Variants in COG6 observed in about 807,000 individuals in gnomAD.
COG6 encodes the protein conserved oligomeric Golgi complex subunit 6.
COG6 carries 74 observed loss-of-function variants against 88.8 expected under a neutral mutation model. The ratio of observed to expected loss-of-function variants is 0.83; its 90% confidence interval spans 0.69 to 1.01. The LOEUF (loss-of-function observed/expected upper bound fraction) is 1.01. COG6 is among the 50% of genes least tolerant of loss of function. The probability of loss-of-function intolerance (pLI) is 0.00; values close to 1 mark genes in which losing one functional copy is unlikely to be tolerated. For synonymous variants in COG6, 286 were observed against 278.7 expected, an observed-to-expected ratio of 1.03 and a Z score of -0.26; for missense variants, 800 against 797.9, an observed-to-expected ratio of 1.00 and a Z score of -0.03.
In COG6 at chr13:39,724,496, TTTTTTA is replaced by T. The variant is rs752497489; in HGVS notation, c.1693-11_1693-6del. 14 of 1,541,960 alleles carry T rather than the reference TTTTTTA, an allele frequency of 9.1e-6. No individual in the cohort carries two copies. Among genetic ancestry groups the T allele is most frequent in the Admixed American group, 1.9e-5 (1 of 52,004 alleles). On this transcript the variant is annotated splice_region_variant and splice_polypyrimidine_tract_variant and intron_variant, in intron 16 of 18. Coordinates refer to ENST00000455146, the MANE Select transcript of COG6 (RefSeq NM_020751.3). ...ATCTTGGATCTGCTTTTTTTTTTTT[TTTTTTA>T]AATAGGGCTCTTTAGCTAATATGCC...
chr13:39,761,435 A>G (rs1295814366), intron 18 of COG6, among the ~76,000 whole-genome samples: 1 of 152,074 alleles, frequency 6.6e-6, no homozygotes, highest in Non-Finnish European at 1.5e-5. Context: ...AACTACTAGA[A>G]GAAAACATAT....
chr13:39,763,781 T>A (rs1881090119), intron 18 of COG6, among the ~76,000 whole-genome samples: 1 of 151,824 alleles, frequency 6.6e-6, no homozygotes, highest in African/African-American at 2.4e-5. Flanking sequence ...CATAATGTAC[T>A]ATCCTTTTTA....
chr13:39,750,857 T>C (rs1880583041), intron 18 of COG6, 89 bp from the exon 19 acceptor site: 1 of 925,464 alleles, frequency 1.1e-6, no homozygotes, highest in African/African-American at 1.6e-5. Flanking sequence ...AAATGAAATG[T>C]GTTGATTGAA....
intron 18 of COG6, among the ~76,000 whole-genome samples, chr13:39,776,680 G>A (rs1881473535): frequency 1.3e-5 from 2 of 152,194 alleles, no homozygotes; most frequent in African/African-American, 4.8e-5. Context: ...CCAGTACCCT[G>A]ATGTCTACTG....
chr13:39,753,089 T>C (rs534976416), downstream of COG6, among the ~76,000 whole-genome samples: 78 of 152,360 alleles, frequency 5.1e-4, no homozygotes, highest in African/African-American at 1.9e-3. Context: ...AAATGGGCAC[T>C]GCTGTAGTTG....
intron 18 of COG6, among the ~76,000 whole-genome samples, chr13:39,731,165 T>C (rs1879427085): frequency 6.6e-6 from 1 of 152,142 alleles, no homozygotes. Flanking sequence ...GTTTTTGGTT[T>C]TTTCCTGTTC....
In COG6 at chr13:39,697,389, G is replaced by A. The variant is rs540045121; in HGVS notation, c.1167-2112G>A. ...GGTGAAGTTGGGGAAGAAGCAGGAC[G>A]CATGCAAGATCTCAAAAAATTTACC... On this transcript the variant is annotated intron_variant, in intron 12 of 18. Transcript: ENST00000455146. Among the ~76,000 whole-genome samples, 4 of 151,926 alleles carry A rather than the reference G, an allele frequency of 2.6e-5. No individual in the cohort carries two copies. The South Asian group carries it at 6.2e-4, about 24-fold the overall frequency.
At chr13:39,678,223 A>C in intron 5 of COG6, 1 of 315,656 alleles carries the variant, frequency 3.2e-6, no homozygotes, top group Non-Finnish European at 6.1e-6. Flanking sequence ...ATGCACCACC[A>C]CTCCTGGCTG....
At chr13:39,776,249 A>G (rs1238945433) in intron 18 of COG6, among the ~76,000 whole-genome samples, 1 of 152,190 alleles carries the variant, frequency 6.6e-6, no homozygotes, top group Non-Finnish European at 1.5e-5. Context: ...GAGGAGGAGT[A>G]GGCAGAAGGG....
At chr13:39,718,685 A>G (rs1878671023) in intron 13 of COG6, among the ~76,000 whole-genome samples, 1 of 152,132 alleles carries the variant, frequency 6.6e-6, no homozygotes, top group Non-Finnish European at 1.5e-5. Context: ...CAATATATTA[A>G]TGGTAATGTT....
chr13:39,745,611 G>T (rs763116387), intron 18 of COG6, among the ~76,000 whole-genome samples: 8 of 152,208 alleles, frequency 5.3e-5, no homozygotes, highest in Non-Finnish European at 1.2e-4. Context: ...AGGATGTGGA[G>T]AAATAGGAAT....
chr13:39,721,906 T>C (rs1029327526), intron 15 of COG6, among the ~76,000 whole-genome samples: 7 of 152,074 alleles, frequency 4.6e-5, no homozygotes, highest in Admixed American at 3.3e-4. Context: ...TCCCAGGATA[T>C]TTTTGGTATG....
rs573204693 is a variant in COG6, at chr13:39,694,422, T to C, written c.1075-212T>C. Among the ~76,000 whole-genome samples the C allele has an allele frequency of 4.6e-5, 7 of 151,882 alleles. No homozygotes were observed. The East Asian group carries it at 1.4e-3, about 29-fold the overall frequency. ...GCCTTGAACCAAATTCTGCAAATAATGGGTCAGATTTTTGTAGAGTATATC... is the reference window on the plus strand; with the variant it reads ...GCCTTGAACCAAATTCTGCAAATAACGGGTCAGATTTTTGTAGAGTATATC... On this transcript the variant is annotated intron_variant, in intron 11 of 18. Transcript: ENST00000455146.
chr13:39,727,341 C>T, intron 17 of COG6, 128 bp from the exon 18 acceptor site: 2 of 745,088 alleles, frequency 2.7e-6, no homozygotes, highest in Non-Finnish European at 4.8e-6. Context: ...AATTTGAACA[C>T]AACAATCTAG....
chr13:39,733,791 C>G (rs1566032642), intron 18 of COG6, among the ~76,000 whole-genome samples: 1 of 152,068 alleles, frequency 6.6e-6, no homozygotes. Flanking sequence ...TGCTGAGACA[C>G]TTTTTATTAT....
intron 18 of COG6, among the ~76,000 whole-genome samples, chr13:39,779,266 G>A (rs1311016987): frequency 6.6e-6 from 1 of 152,156 alleles, no homozygotes; most frequent in Non-Finnish European, 1.5e-5. Flanking sequence ...TAGCAATGAT[G>A]CTGATTACTA....
At chr13:39,790,712 T>C (rs2138198630) in exon 19 of COG6, 1 of 152,238 alleles carries the variant, frequency 6.6e-6, no homozygotes, top group African/African-American at 2.4e-5. Context: ...TAATATTGAA[T>C]CTTCCTGTTT....
chr13:39,695,411 T>C (rs1877222419), intron 12 of COG6, among the ~76,000 whole-genome samples: 1 of 151,918 alleles, frequency 6.6e-6, no homozygotes. Flanking sequence ...AAGACTGTTA[T>C]ATATGTAGTT....
At chr13:39,735,984 C>CT (rs2138112106) in intron 18 of COG6, among the ~76,000 whole-genome samples, 1 of 151,976 alleles carries the variant, frequency 6.6e-6, no homozygotes, top group East Asian at 1.9e-4. Flanking sequence ...TTGAGGTAGC[C>CT]TTATTTGGAT....
Sources: allele counts gnomAD v4.1 joint callset (sites outside exome capture counted in the v4.1 genomes callset), GRCh38; gene constraint gnomAD v4.1.1; transcripts MANE v1.5; gene names NCBI Gene and HGNC (gene_info 2026-07-23, HGNC 2026-07-21).